ADK: variants seen among roughly 807,000 people sequenced by gnomAD.
The protein encoded by ADK is N6,N6-dimethyladenosine kinase.
A neutral mutation model predicts 44.7 loss-of-function variants in ADK; 24 were observed. The ratio of observed to expected loss-of-function variants is 0.54; its 90% CI spans 0.39 to 0.76. The LOEUF (loss-of-function observed/expected upper bound fraction) is 0.76. ADK is among the 30% of genes least tolerant of loss of function. The pLI, the probability that ADK is intolerant of heterozygous loss-of-function variation, is 0.00. For synonymous variants in ADK, 128 were observed against 142.6 expected, an observed-to-expected ratio of 0.90 and a Z score of 0.73; for missense variants, 321 against 425.1, an observed-to-expected ratio of 0.76 and a Z score of 2.15.
chr10:74,158,275 A>G (rs552242234), intron 1 of ADK, among the ~76,000 whole-genome samples: 11 of 152,314 alleles, frequency 7.2e-5, no homozygotes, highest in Admixed American at 6.5e-4. Context: ...CACTGAATAT[A>G]TAAGTGGCCA....
intron 3 of ADK, among the ~76,000 whole-genome samples, chr10:74,312,431 T>C: frequency 6.6e-6 from 1 of 152,036 alleles, no homozygotes; most frequent in Admixed American, 6.6e-5. Flanking sequence ...TTCACTTTTT[T>C]TTTTTTTTTA....
In ADK at chr10:74,630,743, A is replaced by G. The variant is rs1013926516; in HGVS notation, c.877+30250A>G. Reference sequence around the variant, plus strand: ...TTGAATAAATATCTCATGGGGAGGTACTTCAAGATACGTCTTCCATACATA... The same window carrying G: ...TTGAATAAATATCTCATGGGGAGGTGCTTCAAGATACGTCTTCCATACATA... On this transcript the variant is annotated intron_variant, in intron 9 of 10. Coordinates refer to ENST00000539909, the MANE Select transcript of ADK (RefSeq NM_006721.4). 2.0e-5 allele frequency among the ~76,000 whole-genome samples: 3 copies of G among 152,280 alleles called. No homozygotes were observed. The East Asian group carries it at 5.8e-4, about 29-fold the overall frequency.
intron 10 of ADK, among the ~76,000 whole-genome samples, chr10:74,674,018 G>A (rs1855291030): frequency 6.6e-6 from 1 of 152,088 alleles, no homozygotes; most frequent in Admixed American, 6.6e-5. Flanking sequence ...GGGTTTTTAT[G>A]GGCACAGGAT....
At chr10:74,656,011 A>G (rs1854475396) in intron 9 of ADK, 1 of 630,458 alleles carries the variant, frequency 1.6e-6, no homozygotes, top group African/African-American at 1.8e-5. Context: ...TCTTTCCTGC[A>G]GGAGCTGGTG....
chr10:74,169,416 G>A (rs1473084218), intron 1 of ADK, among the ~76,000 whole-genome samples: 1 of 152,092 alleles, frequency 6.6e-6, no homozygotes, highest in Non-Finnish European at 1.5e-5. Context: ...GTGTTATCTT[G>A]TACTTTCAGA....
At chr10:74,468,564 G>C (rs184428984) in intron 6 of ADK, among the ~76,000 whole-genome samples, 3 of 152,240 alleles carry the variant, frequency 2.0e-5, no homozygotes, top group African/African-American at 7.2e-5. Flanking sequence ...ATGGCAAATT[G>C]GGCCTCAGAT....
intron 9 of ADK, among the ~76,000 whole-genome samples, chr10:74,638,417 T>A (rs1853696976): frequency 2.0e-5 from 3 of 152,118 alleles, no homozygotes; most frequent in Admixed American, 2.0e-4. Flanking sequence ...ACCTCAACAC[T>A]TTGAGAGGCT....
rs1844861319 is a variant in ADK, at chr10:74,427,966, T to C, written c.555+29387T>C. Among the ~76,000 whole-genome samples the C allele has an allele frequency of 2.6e-5, 4 of 152,124 alleles. No individual in the cohort carries two copies. The South Asian group carries it at 8.3e-4, about 32-fold the overall frequency. On this transcript the variant is annotated intron_variant, in intron 6 of 10. Transcript: ENST00000539909. ...GGTGTTTGTGGGGTTGGTTCCTTCTTGGGGAGGCAGAGGGAGAACCTATCC... is the reference window on the plus strand; with the variant it reads ...GGTGTTTGTGGGGTTGGTTCCTTCTCGGGGAGGCAGAGGGAGAACCTATCC...
At chr10:74,510,473 A>G (rs1400497834) in intron 6 of ADK, among the ~76,000 whole-genome samples, 1 of 152,126 alleles carries the variant, frequency 6.6e-6, no homozygotes, top group Non-Finnish European at 1.5e-5. Context: ...ATCTGATGTT[A>G]TGAATAGTTT....
At chr10:74,252,593 A>G (rs570421002) in intron 3 of ADK, among the ~76,000 whole-genome samples, 1 of 152,326 alleles carries the variant, frequency 6.6e-6, no homozygotes, top group African/African-American at 2.4e-5. Context: ...CAGATCTTAT[A>G]TATGTTAAAG....
At chr10:74,238,776 T>C (rs1845076197) in intron 3 of ADK, among the ~76,000 whole-genome samples, 2 of 151,438 alleles carry the variant, frequency 1.3e-5, no homozygotes, top group Non-Finnish European at 2.9e-5. Flanking sequence ...ACAAACAAAA[T>C]TACTGTCTCT....
At chr10:74,646,187 C>T (rs898611065) in intron 9 of ADK, among the ~76,000 whole-genome samples, 3 of 152,122 alleles carry the variant, frequency 2.0e-5, no homozygotes, top group African/African-American at 7.2e-5. Context: ...TGAATTTGAA[C>T]ACATGATACA....
At chr10:74,151,406 G>T in intron 1 of ADK, 63 bp downstream of exon 1, 1 of 1,516,936 alleles carries the variant, frequency 6.6e-7, no homozygotes, top group Non-Finnish European at 8.9e-7. Flanking sequence ...GGCCCACGTG[G>T]GGTTGCACGG....
At chr10:74,318,871 C>G (rs1040945562) in intron 4 of ADK, among the ~76,000 whole-genome samples, 1 of 152,054 alleles carries the variant, frequency 6.6e-6, no homozygotes, top group African/African-American at 2.4e-5. Flanking sequence ...AATTAAAATC[C>G]TAAGTATTCT....
At chr10:74,686,959 A>T (rs1855817714) in intron 10 of ADK, among the ~76,000 whole-genome samples, 1 of 152,188 alleles carries the variant, frequency 6.6e-6, no homozygotes, top group Admixed American at 6.5e-5. Context: ...TACAGGAGTC[A>T]GCCACAGTGC....
chr10:74,602,184 G>C (rs1031938285), intron 9 of ADK, among the ~76,000 whole-genome samples: 1 of 149,770 alleles, frequency 6.7e-6, no homozygotes, highest in South Asian at 2.1e-4. Context: ...ACAAGTACTA[G>C]CAATCTTTTA....
intron 6 of ADK, among the ~76,000 whole-genome samples, chr10:74,462,203 A>G (rs1408118640): frequency 5.9e-5 from 9 of 152,074 alleles, no homozygotes; most frequent in Admixed American, 2.6e-4. Context: ...ATAGTTTTAT[A>G]ATATCATTAA....
At chr10:74,467,452 C>T (rs972436604) in intron 6 of ADK, among the ~76,000 whole-genome samples, 1 of 152,070 alleles carries the variant, frequency 6.6e-6, no homozygotes, top group African/African-American at 2.4e-5. Context: ...TGCTTCGTGT[C>T]TTTGATTTCG....
At chr10:74,517,328 G>A (rs1323199577) in intron 6 of ADK, among the ~76,000 whole-genome samples, 1 of 151,880 alleles carries the variant, frequency 6.6e-6, no homozygotes, top group Non-Finnish European at 1.5e-5. Context: ...GAGTTATGTG[G>A]GATAGAAGAA....
Sources: allele counts gnomAD v4.1 joint callset (sites outside exome capture counted in the v4.1 genomes callset), GRCh38; gene constraint gnomAD v4.1.1; transcripts MANE v1.5; gene names NCBI Gene and HGNC (gene_info 2026-07-23, HGNC 2026-07-21).